Variants in UNC13C observed in about 807,000 individuals in gnomAD.
UNC13C encodes protein unc-13 homolog C.
UNC13C carries 174 observed loss-of-function variants against 245.4 expected under a neutral mutation model. The ratio of observed to expected loss-of-function variants is 0.71; its 90% CI spans 0.63 to 0.80. UNC13C has a LOEUF of 0.80. UNC13C is among the 30% of genes least tolerant of loss of function. The pLI is 0.00. For synonymous variants in UNC13C, 992 were observed against 895.1 expected (o/e 1.11, Z -1.93); for missense variants, 2,829 against 2,602.9 (o/e 1.09, Z -1.89).
chr15:54,184,596 C>G (rs544721736), intron 4 of UNC13C, among the ~76,000 whole-genome samples: 7 of 152,270 alleles, frequency 4.6e-5, no homozygotes, highest in Admixed American at 1.3e-4. Flanking sequence ...AGGACATGAA[C>G]TCATCATTTT....
intron 2 of UNC13C, among the ~76,000 whole-genome samples, chr15:54,112,579 C>T (rs1267844198): frequency 6.6e-6 from 1 of 152,182 alleles, no homozygotes; most frequent in Non-Finnish European, 1.5e-5. Flanking sequence ...TGTCTAGCCC[C>T]CAGGTAGTCT....
At chr15:54,404,498 T>A (rs1344775722) in intron 18 of UNC13C, among the ~76,000 whole-genome samples, 1 of 152,136 alleles carries the variant, frequency 6.6e-6, no homozygotes, top group African/African-American at 2.4e-5. Context: ...GGATCAGTTA[T>A]TTCATTAAAC....
At chr15:54,448,884 A>G (rs1410749761) in intron 19 of UNC13C, among the ~76,000 whole-genome samples, 2 of 152,052 alleles carry the variant, frequency 1.3e-5, no homozygotes, top group Admixed American at 1.3e-4. Flanking sequence ...GGTCTTTACA[A>G]TTTGACATGT....
At chr15:54,124,456 T>A (rs1277404202) in intron 2 of UNC13C, among the ~76,000 whole-genome samples, 1 of 152,236 alleles carries the variant, frequency 6.6e-6, no homozygotes, top group Admixed American at 6.5e-5. Context: ...AATAACTGTC[T>A]GTATCTTTTG....
At chr15:54,312,988 T>C (rs1248637615) in intron 13 of UNC13C, among the ~76,000 whole-genome samples, 1 of 151,756 alleles carries the variant, frequency 6.6e-6, no homozygotes, top group Non-Finnish European at 1.5e-5. Context: ...TTTGCATCCT[T>C]TTTGGTTTTC....
At chr15:54,531,449 A>C (rs1438677566) in intron 25 of UNC13C, among the ~76,000 whole-genome samples, 1 of 152,148 alleles carries the variant, frequency 6.6e-6, no homozygotes, top group Non-Finnish European at 1.5e-5. Context: ...TTTGTACTAA[A>C]ACTATTCACT....
intron 28 of UNC13C, among the ~76,000 whole-genome samples, chr15:54,553,361 A>G (rs966604559): frequency 8.1e-6 from 1 of 123,458 alleles, no homozygotes; most frequent in Non-Finnish European, 1.6e-5. Flanking sequence ...TATATAATAT[A>G]ATATATAATT....
chr15:54,341,409 G>A (rs948753202), intron 17 of UNC13C, among the ~76,000 whole-genome samples: 2 of 151,950 alleles, frequency 1.3e-5, no homozygotes, highest in African/African-American at 4.8e-5. Context: ...TATAAAGATG[G>A]GAACAATAGA....
At chr15:54,511,092 A>G in intron 23 of UNC13C, among the ~76,000 whole-genome samples, 1 of 152,142 alleles carries the variant, frequency 6.6e-6, no homozygotes, top group Admixed American at 6.6e-5. Context: ...AGCATGTACA[A>G]TGTATTTAAC....
At chr15:53,991,572 G>A (rs1392818186) in intron 1 of UNC13C, among the ~76,000 whole-genome samples, 3 of 151,926 alleles carry the variant, frequency 2.0e-5, no homozygotes, top group African/African-American at 7.2e-5. Flanking sequence ...TGGGAAGGCT[G>A]TCCTCAACCT....
the UNC13C span, among the ~76,000 whole-genome samples, chr15:53,945,072 G>A: frequency 6.6e-6 from 1 of 151,992 alleles, no homozygotes; most frequent in African/African-American, 2.4e-5. Context: ...TTTGAAAAGT[G>A]CCTGTTCATG....
chr15:54,086,016 C>A (rs1315051644), intron 2 of UNC13C, among the ~76,000 whole-genome samples: 1 of 152,158 alleles, frequency 6.6e-6, no homozygotes, highest in Non-Finnish European at 1.5e-5. Flanking sequence ...GTGGAATGAT[C>A]AAATTTGGAT....
chr15:54,366,151 T>C, intron 17 of UNC13C, among the ~76,000 whole-genome samples: 1 of 152,202 alleles, frequency 6.6e-6, no homozygotes, highest in East Asian at 1.9e-4. Flanking sequence ...GCCTTATTTT[T>C]ATTTCAAAAG....
At chr15:53,994,117 G>A (rs1162460084) in intron 1 of UNC13C, among the ~76,000 whole-genome samples, 1 of 151,682 alleles carries the variant, frequency 6.6e-6, no homozygotes, top group Non-Finnish European at 1.5e-5. Flanking sequence ...TATTCTCAGA[G>A]CTTGCTGATA....
chr15:54,507,295 TAGGATAATAAGAAATAAGGATCTTAA>T, intron 23 of UNC13C, 101 bp downstream of exon 23: 1 of 771,314 alleles, frequency 1.3e-6, no homozygotes, highest in Non-Finnish European at 2.1e-6. Context: ...AGTTTTCACA[TAGGATAATAAGAAATAAGGATCTTAA>T]GAAGCTGGAA....
intron 30 of UNC13C, among the ~76,000 whole-genome samples, chr15:54,608,084 C>T (rs1231331059): frequency 3.3e-5 from 5 of 151,992 alleles, no homozygotes; most frequent in South Asian, 2.1e-4. Context: ...AATAGCATTA[C>T]GGGATAAGTC....
intron 30 of UNC13C, among the ~76,000 whole-genome samples, chr15:54,585,049 G>C (rs1288069995): frequency 6.6e-6 from 1 of 152,172 alleles, no homozygotes. Flanking sequence ...TCCGATATGG[G>C]CAGCAGAATT....
At chr15:54,048,352 T>C (rs1406171599) in intron 2 of UNC13C, among the ~76,000 whole-genome samples, 1 of 152,212 alleles carries the variant, frequency 6.6e-6, no homozygotes, top group Non-Finnish European at 1.5e-5. Flanking sequence ...AAAACTTTTC[T>C]TTTGACAGTA....
intron 17 of UNC13C, among the ~76,000 whole-genome samples, chr15:54,377,244 T>C (rs1366528502): frequency 2.6e-5 from 4 of 152,176 alleles, no homozygotes; most frequent in Admixed American, 6.5e-5. Flanking sequence ...GCATTGAGAA[T>C]TGCATTTCTT....
Sources: gnomAD v4.1 joint callset for allele counts (sites outside exome capture counted in the v4.1 genomes callset) on GRCh38, gnomAD v4.1.1 for gene constraint, MANE v1.5 for transcripts, NCBI Gene and HGNC (gene_info 2026-07-23, HGNC 2026-07-21) for gene names.